PCDH9: variants seen among roughly 807,000 people sequenced by gnomAD.
PCDH9 encodes the protein protocadherin-9.
In PCDH9, 24 loss-of-function variants were observed where a neutral mutation model predicts 70.6. That is an observed-to-expected ratio of 0.34 (90% CI 0.25 to 0.48). The LOEUF (loss-of-function observed/expected upper bound fraction) is 0.48. PCDH9 is among the 20% of genes least tolerant of loss of function. PCDH9 has a pLI of 0.99. For synonymous variants in PCDH9, 562 were observed against 558.5 expected, an observed-to-expected ratio of 1.01 and a Z score of -0.09; for missense variants, 1,281 against 1,503.6, an observed-to-expected ratio of 0.85 and a Z score of 2.45.
At chr13:67,080,026 G>A (rs1480851527) in intron 2 of PCDH9, among the ~76,000 whole-genome samples, 1 of 152,082 alleles carries the variant, frequency 6.6e-6, no homozygotes, top group Non-Finnish European at 1.5e-5. Context: ...TCCTCATAAT[G>A]ATTTAGATTT....
chr13:67,204,695 A>G (rs568339736), intron 2 of PCDH9: 1 of 152,320 alleles, frequency 6.6e-6, no homozygotes, highest in South Asian at 2.1e-4. Flanking sequence ...ACCAACATCC[A>G]GAATGTCAAT....
Position 66,304,870 on chromosome 13 carries a change from A to G in PCDH9, c.3499T>C (p.Trp1167Arg), listed in dbSNP as rs770856234. 24 of 1,613,458 alleles carry G rather than the reference A, an allele frequency of 1.5e-5. No homozygotes were observed. Among genetic ancestry groups the G allele is most frequent in the Non-Finnish European group, 2.0e-5 (24 of 1,179,720 alleles). The change falls in exon 5 of 5, where the codon TGG becomes CGG. Residue 1167 changes from tryptophan (W) to arginine (R), a missense_variant. Physicochemically the swap from Trp to Arg is moderately radical, Grantham distance 101 (BLOSUM62 -3). Around this residue, in one of 4 missense-constraint regions of PCDH9, gnomAD observed 264 missense variants for 278.8 expected, o/e 0.95. Transcript: ENST00000377865. ...PLSTFAPQKE[W>R]VKKDKLVNGH... The stretch of plus-strand genomic sequence containing the variant: ...TTCACAAGCTTGTCCTTCTTCACCC[A>G]TTCTTTCTGGGGTGCAAAGGTTGAG...
chr13:67,145,692 A>G (rs1161878171), intron 2 of PCDH9, among the ~76,000 whole-genome samples: 2 of 152,158 alleles, frequency 1.3e-5, no homozygotes, highest in African/African-American at 4.8e-5. Context: ...ATGGATAAAG[A>G]CTAAGAGAGG....
intron 4 of PCDH9, among the ~76,000 whole-genome samples, chr13:66,334,144 C>T (rs1701013078): frequency 6.6e-6 from 1 of 152,068 alleles, no homozygotes; most frequent in Admixed American, 6.6e-5. Flanking sequence ...TTTCTTCTAT[C>T]AAACTGTGTT....
intron 2 of PCDH9, among the ~76,000 whole-genome samples, chr13:67,141,455 T>G (rs77878131): frequency 6.6e-6 from 1 of 151,966 alleles, no homozygotes; most frequent in East Asian, 1.9e-4. Flanking sequence ...ATTATTATTA[T>G]TTTTAGATGG....
intron 4 of PCDH9, among the ~76,000 whole-genome samples, chr13:66,553,262 G>T (rs187042770): frequency 6.6e-5 from 10 of 152,266 alleles, no homozygotes; most frequent in African/African-American, 1.9e-4. Context: ...ATGCATCCTT[G>T]TATCTCCAGC....
chr13:67,007,302 A>G (rs982239361), intron 2 of PCDH9, among the ~76,000 whole-genome samples: 4 of 152,156 alleles, frequency 2.6e-5, no homozygotes, highest in African/African-American at 7.2e-5. Flanking sequence ...AAGTATTAAA[A>G]GATAAAATTT....
intron 3 of PCDH9, among the ~76,000 whole-genome samples, chr13:66,710,111 T>C (rs1428488963): frequency 1.3e-5 from 2 of 152,158 alleles, no homozygotes; most frequent in Non-Finnish European, 1.5e-5. Context: ...TTATACACAT[T>C]GACTACACAG....
chr13:66,858,546 T>C (rs1020693714), intron 3 of PCDH9, among the ~76,000 whole-genome samples: 11 of 152,132 alleles, frequency 7.2e-5, no homozygotes, highest in African/African-American at 2.4e-4. Context: ...CTGTGTAGAA[T>C]TTCCTAGCTT....
chr13:67,156,366 G>A (rs1023165805), intron 2 of PCDH9, among the ~76,000 whole-genome samples: 1 of 152,084 alleles, frequency 6.6e-6, no homozygotes, highest in Admixed American at 6.6e-5. Flanking sequence ...CGAGAGAGGA[G>A]CACATCAATG....
intron 2 of PCDH9, among the ~76,000 whole-genome samples, chr13:66,960,217 G>T (rs1334182615): frequency 6.6e-6 from 1 of 152,134 alleles, no homozygotes; most frequent in South Asian, 2.1e-4. Flanking sequence ...GCCAAAATTA[G>T]TTGTCAGTGT....
chr13:66,441,347 T>C (rs1471692004), intron 4 of PCDH9, among the ~76,000 whole-genome samples: 1 of 152,158 alleles, frequency 6.6e-6, no homozygotes, highest in East Asian at 1.9e-4. Context: ...GCAATGAAAA[T>C]TTAAGAGATC....
At chr13:67,152,523 C>T (rs537840598) in intron 2 of PCDH9, among the ~76,000 whole-genome samples, 2 of 152,212 alleles carry the variant, frequency 1.3e-5, no homozygotes, top group South Asian at 2.1e-4. Context: ...ATTTCTCAAT[C>T]TCTCATTAAA....
At chr13:67,097,594 A>G (rs1171461619) in intron 2 of PCDH9, among the ~76,000 whole-genome samples, 2 of 152,216 alleles carry the variant, frequency 1.3e-5, no homozygotes, top group Non-Finnish European at 2.9e-5. Flanking sequence ...AAATGTCTTT[A>G]CAAGTACCAC....
intron 3 of PCDH9, among the ~76,000 whole-genome samples, chr13:66,685,341 G>A (rs1335369957): frequency 1.3e-5 from 2 of 152,232 alleles, no homozygotes; most frequent in South Asian, 2.1e-4. Context: ...AGCCTTGTTG[G>A]CTTCCACATG....
intron 3 of PCDH9, among the ~76,000 whole-genome samples, chr13:66,866,904 T>C (rs931179852): frequency 5.3e-5 from 8 of 152,192 alleles, no homozygotes; most frequent in Admixed American, 2.0e-4. Context: ...ACAGTAAGTC[T>C]TATAAGAAAG....
At chr13:66,886,080 C>T (rs970382188) in intron 3 of PCDH9, 7 of 152,136 alleles carry the variant, frequency 4.6e-5, no homozygotes, top group Non-Finnish European at 1.0e-4. Flanking sequence ...AACTCAGGTA[C>T]AGTGATCACA....
At chr13:66,894,224 TAA>T (rs1244502808) in intron 3 of PCDH9, among the ~76,000 whole-genome samples, 1 of 152,088 alleles carries the variant, frequency 6.6e-6, no homozygotes, top group Non-Finnish European at 1.5e-5. Flanking sequence ...TTTAACGACT[TAA>T]TCTGTATTTA....
At chr13:66,857,933 G>A (rs189078088) in intron 3 of PCDH9, among the ~76,000 whole-genome samples, 12 of 151,968 alleles carry the variant, frequency 7.9e-5, no homozygotes, top group Non-Finnish European at 1.0e-4. Flanking sequence ...CAAAAAACAC[G>A]CCCTCAATCA....
Sources: gnomAD v4.1 joint callset for allele counts (sites outside exome capture counted in the v4.1 genomes callset) on GRCh38, gnomAD v4.1.1 for gene constraint, gnomAD v4.1.1 regional missense constraint, MANE v1.5 for transcripts, NCBI Gene and HGNC (gene_info 2026-07-23, HGNC 2026-07-21) for gene names.